The following ABL2 variants were observed in gnomAD, a reference collection of about 807,000 sequenced individuals.
ABL2 encodes tyrosine-protein kinase ABL2.
A neutral mutation model predicts 107.7 loss-of-function variants in ABL2; 49 were observed. The observed-to-expected ratio is 0.45, with a 90% CI of 0.36 to 0.58. The LOEUF (loss-of-function observed/expected upper bound fraction) is 0.58. ABL2 is among the 20% of genes least tolerant of loss of function. The pLI is 0.00. For synonymous variants in ABL2, 549 were observed against 548.6 expected (o/e 1.00, Z -0.01); for missense variants, 1,245 against 1,457.0 (o/e 0.85, Z 2.37).
intron 1 of ABL2, among the ~76,000 whole-genome samples, chr1:179,169,187 C>T (rs1047733998): frequency 1.3e-5 from 2 of 151,952 alleles, no homozygotes; most frequent in African/African-American, 2.4e-5. Context: ...AACCCTTTTG[C>T]CCAAAAATGG....
At chr1:179,150,275 C>G (rs764710055) in intron 1 of ABL2, among the ~76,000 whole-genome samples, 16 of 152,144 alleles carry the variant, frequency 1.1e-4, no homozygotes, top group Non-Finnish European at 1.9e-4. Flanking sequence ...CTGCCACAGT[C>G]AGTTCTCTGA....
chr1:179,113,258 C>T (rs997068744), intron 9 of ABL2, among the ~76,000 whole-genome samples: 1 of 152,182 alleles, frequency 6.6e-6, no homozygotes, highest in Non-Finnish European at 1.5e-5. Flanking sequence ...AGCCTCAGCT[C>T]CTATTCCCTC....
rs531466153 is a variant in ABL2, at chr1:179,184,625, G to A, written c.157+44616C>T. ...GGATTAGAAGATATTGATGAAGAAG[G>A]GGATGAGGAAGAAGATGATGATGAT... On this transcript the variant is annotated intron_variant, in intron 1 of 11. Coordinates refer to ENST00000502732, the MANE Select transcript of ABL2 (RefSeq NM_007314.4). The A allele has an allele frequency of 1.2e-5, 6 of 519,210 alleles. No individual in the cohort carries two copies. The East Asian group carries it at 1.8e-4, about 16-fold the overall frequency. 32.2% of individuals were successfully genotyped at this position (519,210 alleles called of 1,614,324 possible). A position where few individuals can be genotyped will look rare whatever the true frequency, so the allele number is the denominator to read the frequency against.
At chr1:179,109,876 C>T (rs560856057) in intron 11 of ABL2, among the ~76,000 whole-genome samples, 1 of 150,588 alleles carries the variant, frequency 6.6e-6, no homozygotes, top group African/African-American at 2.4e-5. Context: ...TGCAGTGAGC[C>T]GAGATCGCAC....
chr1:179,221,459 C>T (rs1462385192), intron 1 of ABL2, among the ~76,000 whole-genome samples: 3 of 152,116 alleles, frequency 2.0e-5, no homozygotes, highest in African/African-American at 4.8e-5. Flanking sequence ...GGCATGGTGA[C>T]GTGTGCCTGT....
intron 8 of ABL2, among the ~76,000 whole-genome samples, chr1:179,116,309 A>T (rs995403002): frequency 6.6e-6 from 1 of 151,960 alleles, no homozygotes; most frequent in African/African-American, 2.4e-5. Context: ...GGGAGATGGG[A>T]GGTTGCAGTG....
rs1663430866 is a variant in ABL2, at chr1:179,229,463, C to T, written c.-66G>A. On this transcript the variant is annotated 5_prime_UTR_variant, in exon 1 of 12. Transcript: ENST00000502732. ...TCACATTCCTCCTCGGCTCCGGCCT[C>T]GGGCTCCTGGCGCTGCTCCGGTCTC... 1.3e-5 allele frequency: 19 copies of T among 1,411,602 alleles called. No individual in the cohort carries two copies. Among genetic ancestry groups the T allele is most frequent in the Admixed American group, 2.9e-5 (1 of 33,944 alleles). 87.4% of individuals were successfully genotyped at this position (1,411,602 alleles called of 1,614,324 possible). A position where few individuals can be genotyped will look rare whatever the true frequency, so the allele number is the denominator to read the frequency against.
chr1:179,158,636 T>C (rs1257253318), intron 1 of ABL2, among the ~76,000 whole-genome samples: 1 of 152,052 alleles, frequency 6.6e-6, no homozygotes, highest in Non-Finnish European at 1.5e-5. Flanking sequence ...GAGTGGATGG[T>C]GAAGAATGAA....
At chr1:179,135,765 G>T (rs1230187816) in intron 1 of ABL2, among the ~76,000 whole-genome samples, 1 of 136,884 alleles carries the variant, frequency 7.3e-6, no homozygotes, top group African/African-American at 2.8e-5. Context: ...TGCCCCGTCC[G>T]GGAGGGAGGT....
At chr1:179,167,432 AAACTT>A (rs1337799979) in intron 1 of ABL2, among the ~76,000 whole-genome samples, 1 of 152,222 alleles carries the variant, frequency 6.6e-6, no homozygotes, top group East Asian at 1.9e-4. Context: ...TAATGGGTAT[AAACTT>A]AACTGTAAGA....
At chr1:179,113,812 T>C (rs1158398364) in intron 9 of ABL2, among the ~76,000 whole-genome samples, 1 of 151,958 alleles carries the variant, frequency 6.6e-6, no homozygotes, top group South Asian at 2.1e-4. Flanking sequence ...CCGGCGCCTA[T>C]AGTCCCAGCT....
chr1:179,187,532 CTATAA>C (rs1449226993), intron 1 of ABL2, among the ~76,000 whole-genome samples: 3 of 152,040 alleles, frequency 2.0e-5, no homozygotes, highest in Non-Finnish European at 4.4e-5. Context: ...TTATTGTATG[CTATAA>C]TATAACTATA....
intron 10 of ABL2, chr1:179,110,740 G>A (rs1572609186): frequency 6.2e-7 from 1 of 1,613,442 alleles, no homozygotes; most frequent in East Asian, 2.2e-5. Flanking sequence ...GGATGTTTAG[G>A]TTGTTTCCAG....
At chr1:179,191,432 T>TG (rs1229366062) in intron 1 of ABL2, among the ~76,000 whole-genome samples, 1 of 144,520 alleles carries the variant, frequency 6.9e-6, no homozygotes, top group East Asian at 2.0e-4. Flanking sequence ...TTTTTTTTTT[T>TG]TTTTTGAGAC....
chr1:179,138,602 G>T (rs2102695588), intron 1 of ABL2, among the ~76,000 whole-genome samples: 1 of 152,122 alleles, frequency 6.6e-6, no homozygotes, highest in South Asian at 2.1e-4. Flanking sequence ...TCAGTTAATG[G>T]CAATTCCATC....
chr1:179,193,930 G>C (rs552193653), intron 1 of ABL2, among the ~76,000 whole-genome samples: 1 of 152,112 alleles, frequency 6.6e-6, no homozygotes, highest in East Asian at 1.9e-4. Context: ...TAGAGATAGG[G>C]TTTCACCTTG....
At chr1:179,114,762 T>C (rs1362794236) in intron 9 of ABL2, 116 bp downstream of exon 9, 6 of 1,073,792 alleles carry the variant, frequency 5.6e-6, no homozygotes, top group South Asian at 2.3e-5. Context: ...ACTCTTTAAA[T>C]GTCATGAGGC....
intron 1 of ABL2, among the ~76,000 whole-genome samples, chr1:179,166,270 T>G (rs936828916): frequency 9.9e-5 from 15 of 152,038 alleles, no homozygotes; most frequent in African/African-American, 3.6e-4. Context: ...AAAAAAAGCT[T>G]CTGCACAGCA....
At chr1:179,215,941 G>C (rs1407992456) in intron 1 of ABL2, among the ~76,000 whole-genome samples, 1 of 152,078 alleles carries the variant, frequency 6.6e-6, no homozygotes, top group African/African-American at 2.4e-5. Flanking sequence ...AGCACACAGA[G>C]AGAAACATGT....
Sources: allele counts gnomAD v4.1 joint callset (sites outside exome capture counted in the v4.1 genomes callset), GRCh38; gene constraint gnomAD v4.1.1; transcripts MANE v1.5; gene names NCBI Gene and HGNC (gene_info 2026-07-23, HGNC 2026-07-21).